The following COL9A3 variants were observed in gnomAD, a reference collection of about 807,000 sequenced individuals.
The protein encoded by COL9A3 is collagen type IX alpha 3 chain, also known as collagen alpha-3(IX) chain.
In COL9A3, 82 loss-of-function variants were observed where a neutral mutation model predicts 110.2. The observed-to-expected ratio is 0.74, with a 90% confidence interval of 0.62 to 0.89. The LOEUF (loss-of-function observed/expected upper bound fraction) is 0.89. Ranked by LOEUF, COL9A3 falls within the 40% of genes least tolerant of loss-of-function variation. The pLI is 0.00. For missense variants in COL9A3, 1,066 were observed against 981.3 expected (o/e 1.09, Z -1.15); for synonymous variants, 494 against 403.8 (o/e 1.22, Z -2.68).
chr20:62,828,011 C>G, intron 17 of COL9A3, 35 bp downstream of exon 17: 1 of 1,611,350 alleles, frequency 6.2e-7, no homozygotes, highest in Non-Finnish European at 8.5e-7. Flanking sequence ...AATGCTCCTC[C>G]CCCGGGTCCT....
At chr20:62,826,001 G>A in intron 13 of COL9A3, 131 bp downstream of exon 13, 2 of 1,165,942 alleles carry the variant, frequency 1.7e-6, no homozygotes, top group Non-Finnish European at 1.2e-6. Context: ...AGGCACAGGA[G>A]CGCGACCTGG....
chr20:62,836,264 G>A lies in COL9A3; in HGVS notation c.1479G>A (p.Gly493=), dbSNP rs1490379817. ...NGTSGVQGVP[G]PPGPLGLQGV... ...CCAGCGGTGTTCAGGGTGTCCCCGG[G>A]CCCCCCGGTCCTCTGGGCCTGCAGG... Residue 493 remains glycine (G), a synonymous_variant, in exon 28 of 32, where the codon GGG becomes GGA. Coordinates refer to ENST00000649368, the MANE Select transcript of COL9A3 (RefSeq NM_001853.4). 2.5e-6 allele frequency: 4 copies of A among 1,613,620 alleles called. No individual in the cohort carries two copies. The African/African-American group carries it at 4.0e-5, about 16-fold the overall frequency.
intron 8 of COL9A3, 32 bp from the exon 9 acceptor site, chr20:62,822,079 C>G: frequency 7.2e-7 from 1 of 1,392,170 alleles, no homozygotes; most frequent in South Asian, 1.2e-5. Context: ...GGGGGCTGGT[C>G]CCACTCTGTC....
chr20:62,836,351 C>G lies in COL9A3; in HGVS notation c.1548+18C>G, dbSNP rs760278883. On this transcript the variant is annotated intron_variant, in intron 28 of 31. Transcript: ENST00000649368. The stretch of plus-strand genomic sequence containing the variant: ...GAGTTCCGGTACGTCGCTTTTCCGG[C>G]TTTTCCAGCTTTCACAGGGTTGAGA... 2.5e-6 allele frequency: 4 copies of G among 1,613,840 alleles called. No individual in the cohort carries two copies. In the South Asian group the frequency reaches 4.4e-5, roughly 18 times the overall value.
At chr20:62,818,491 G>A (rs1991009068) in intron 2 of COL9A3, 27 bp from the exon 3 acceptor site, 6 of 1,611,876 alleles carry the variant, frequency 3.7e-6, no homozygotes, top group South Asian at 1.1e-5. Flanking sequence ...GATTTTCAGG[G>A]TTACATGTGG....
rs1410134457 is a variant in COL9A3, at chr20:62,821,423, G to A, written c.346-84G>A. ...ATCCCTGGAACCGCCCTTTCCCCAG[G>A]ACCCACCTGAGCCATCTTAGGGAGG... On this transcript the variant is annotated intron_variant, in intron 6 of 31. Transcript: ENST00000649368. 4 of 1,576,714 alleles carry A rather than the reference G, an allele frequency of 2.5e-6. No individual in the cohort carries two copies. The Admixed American group carries it at 5.0e-5, about 20-fold the overall frequency.
chr20:62,825,744 G>A (rs1025263404), intron 12 of COL9A3, 73 bp from the exon 13 acceptor site: 24 of 1,465,874 alleles, frequency 1.6e-5, no homozygotes, highest in Admixed American at 2.0e-5. Flanking sequence ...GCTTGAGTAG[G>A]GTGACTGGAG....
At chr20:62,821,936 G>A in intron 8 of COL9A3, 126 bp downstream of exon 8, 2 of 753,662 alleles carry the variant, frequency 2.7e-6, no homozygotes, top group South Asian at 1.4e-5. Flanking sequence ...CTTGGTGGGT[G>A]TTGGTAGAAG....
chr20:62,820,041 T>C, intron 5 of COL9A3, 59 bp downstream of exon 5: 1 of 1,568,816 alleles, frequency 6.4e-7, no homozygotes, highest in Non-Finnish European at 8.7e-7. Context: ...CCTGGCCACC[T>C]CTGGCTGCTC....
At chr20:62,835,246 G>A (rs1329347817) in intron 26 of COL9A3, among the ~76,000 whole-genome samples, 1 of 152,238 alleles carries the variant, frequency 6.6e-6, no homozygotes, top group Non-Finnish European at 1.5e-5. Context: ...AGAGATCCAT[G>A]TGGCTCCTAG....
Position 62,821,452 on chromosome 20 carries a change from G to A in COL9A3, c.346-55G>A. 1.9e-6 allele frequency: 3 copies of A among 1,610,084 alleles called. 1 individual carries two copies. The South Asian group carries it at 3.3e-5, about 18-fold the overall frequency. ...CACCTGAGCCATCTTAGGGAGGGGT[G>A]AGGCGCAGCCCTTCTTGTGCCTGGC... On this transcript the variant is annotated intron_variant, in intron 6 of 31. Coordinates refer to ENST00000649368, the MANE Select transcript of COL9A3 (RefSeq NM_001853.4).
At chr20:62,829,949 C>T in intron 22 of COL9A3, 130 bp downstream of exon 22, 1 of 1,259,816 alleles carries the variant, frequency 7.9e-7, no homozygotes, top group Non-Finnish European at 1.1e-6. Flanking sequence ...CCTAGGATGC[C>T]AGGAGGTGTG....
chr20:62,817,062 G>C lies in COL9A3; in HGVS notation c.-3G>C. ...GACGCCGCAGCTCAGACTCCGCTCA[G>C]CCATGGCCGGGCCGCGCGCGTGCGC... On this transcript the variant is annotated 5_prime_UTR_variant, in exon 1 of 32. Coordinates refer to ENST00000649368, the MANE Select transcript of COL9A3 (RefSeq NM_001853.4). 1 of 1,370,668 alleles carries C rather than the reference G, an allele frequency of 7.3e-7. No homozygotes were observed. The highest frequency in any genetic ancestry group is 9.5e-7 in the Non-Finnish European group (1 of 1,055,012). 84.9% of individuals were successfully genotyped at this position (1,370,668 alleles called of 1,614,324 possible). A position where few individuals can be genotyped will look rare whatever the true frequency, so the allele number is the denominator to read the frequency against.
chr20:62,821,010 G>C (rs1033402468), intron 5 of COL9A3, among the ~76,000 whole-genome samples, 171 bp from the exon 6 acceptor site: 1 of 152,198 alleles, frequency 6.6e-6, no homozygotes, highest in African/African-American at 2.4e-5. Context: ...TCCCCAGGAC[G>C]GCAAAGACCC....
intron 29 of COL9A3, 83 bp downstream of exon 29, chr20:62,836,615 G>C (rs768466377): frequency 5.7e-6 from 8 of 1,408,188 alleles, no homozygotes; most frequent in Non-Finnish European, 6.8e-6. Flanking sequence ...GAAAGCCTTC[G>C]TGCCACTGCT....
At chr20:62,823,532 T>G (rs911264711) in intron 10 of COL9A3, among the ~76,000 whole-genome samples, 6 of 152,160 alleles carry the variant, frequency 3.9e-5, no homozygotes, top group Non-Finnish European at 7.4e-5. Flanking sequence ...CCCCGGGGCC[T>G]AGGTGCCTGG....
intron 31 of COL9A3, among the ~76,000 whole-genome samples, chr20:62,840,195 C>A (rs28613367): frequency 6.6e-6 from 1 of 151,684 alleles, no homozygotes; most frequent in Non-Finnish European, 1.5e-5. Context: ...CATCACTCAC[C>A]AAAGCCACCC....
chr20:62,820,487 C>T (rs1285890466), intron 5 of COL9A3, among the ~76,000 whole-genome samples: 6 of 152,302 alleles, frequency 3.9e-5, no homozygotes, highest in Non-Finnish European at 7.4e-5. Flanking sequence ...GTCAGCCAAC[C>T]GGGTGCCACT....
rs759775884 is a variant in COL9A3, at chr20:62,828,910, T to A, written c.955-13T>A. On this transcript the variant is annotated splice_polypyrimidine_tract_variant and intron_variant, in intron 18 of 31. Coordinates refer to ENST00000649368, the MANE Select transcript of COL9A3 (RefSeq NM_001853.4). Reference sequence around the variant, plus strand: ...CAGCCTCCCCTTCCGCACCCCAATCTCTGTCCTCACAGGGAGAGGCTGGTC... The same window carrying A: ...CAGCCTCCCCTTCCGCACCCCAATCACTGTCCTCACAGGGAGAGGCTGGTC... 8 of 1,612,332 alleles carry A rather than the reference T, an allele frequency of 5.0e-6. No homozygotes were observed. The highest frequency in any genetic ancestry group is 6.8e-6 in the Non-Finnish European group (8 of 1,179,872).
Sources: allele counts gnomAD v4.1 joint callset (sites outside exome capture counted in the v4.1 genomes callset), GRCh38; gene constraint gnomAD v4.1.1; transcripts MANE v1.5; gene names NCBI Gene and HGNC (gene_info 2026-07-23, HGNC 2026-07-21).